Variants in L3MBTL4 observed in about 807,000 individuals in gnomAD.
L3MBTL4 encodes lethal(3)malignant brain tumor-like protein 4.
In L3MBTL4, 70 loss-of-function variants were observed where a neutral mutation model predicts 84.5. That is an observed-to-expected ratio of 0.83 (90% CI 0.68 to 1.01). The LOEUF (loss-of-function observed/expected upper bound fraction) is 1.01, where lower values mean the gene tolerates loss of function less well. Among genes scored for constraint, L3MBTL4 ranks in the 50% least tolerant of loss-of-function variants. The pLI, the probability that L3MBTL4 is intolerant of heterozygous loss-of-function variation, is 0.00. For missense variants in L3MBTL4, 715 were observed against 754.8 expected, an observed-to-expected ratio of 0.95 and a Z score of 0.62; for synonymous variants, 274 against 259.8, an observed-to-expected ratio of 1.05 and a Z score of -0.52.
intron 16 of L3MBTL4, among the ~76,000 whole-genome samples, chr18:6,035,384 A>G (rs1006391933): frequency 1.1e-4 from 16 of 151,998 alleles, no homozygotes; most frequent in African/African-American, 2.9e-4. Context: ...CAGTTTTCCC[A>G]GCACCATTTA....
intron 7 of L3MBTL4, among the ~76,000 whole-genome samples, chr18:6,242,302 G>T (rs1638955436): frequency 6.6e-6 from 1 of 152,166 alleles, no homozygotes; most frequent in African/African-American, 2.4e-5. Context: ...TGCTTCCTCT[G>T]TCATTTCACC....
At chr18:6,168,526 T>C (rs1347107577) in intron 13 of L3MBTL4, among the ~76,000 whole-genome samples, 1 of 152,136 alleles carries the variant, frequency 6.6e-6, no homozygotes, top group South Asian at 2.1e-4. Context: ...TAATGCTGCA[T>C]ATCTACAACT....
intron 5 of L3MBTL4, among the ~76,000 whole-genome samples, chr18:6,248,342 G>C (rs1018886916): frequency 2.0e-5 from 3 of 152,158 alleles, no homozygotes; most frequent in African/African-American, 4.8e-5. Flanking sequence ...GTTAAAAACT[G>C]TGCTCGTGAA....
chr18:6,128,596 T>G (rs2059777107), intron 14 of L3MBTL4, among the ~76,000 whole-genome samples: 1 of 152,138 alleles, frequency 6.6e-6, no homozygotes, highest in Admixed American at 6.6e-5. Context: ...CATGGAATGA[T>G]GCCTTCAATA....
intron 14 of L3MBTL4, among the ~76,000 whole-genome samples, chr18:6,094,452 C>T (rs2058565056): frequency 6.6e-6 from 1 of 152,126 alleles, no homozygotes; most frequent in Non-Finnish European, 1.5e-5. Context: ...AATTCACAAA[C>T]ACATGCCACA....
intron 1 of L3MBTL4, among the ~76,000 whole-genome samples, chr18:6,410,486 T>C (rs2055920716): frequency 6.6e-6 from 1 of 151,482 alleles, no homozygotes; most frequent in Admixed American, 6.6e-5. Context: ...GCCTCACCCC[T>C]AAGTTCCTTA....
chr18:6,030,599 A>G (rs1481960149), intron 16 of L3MBTL4: 23 of 773,960 alleles, frequency 3.0e-5, no homozygotes, highest in Non-Finnish European at 3.6e-5. Flanking sequence ...CCCAGGTTCA[A>G]GCGATTCTCT....
chr18:6,353,018 T>G (rs1568541402), intron 1 of L3MBTL4, among the ~76,000 whole-genome samples: 2 of 152,210 alleles, frequency 1.3e-5, no homozygotes, highest in Non-Finnish European at 1.5e-5. Context: ...TTCAATAAAT[T>G]AAACTAAACA....
intron 16 of L3MBTL4, among the ~76,000 whole-genome samples, chr18:6,037,143 T>G (rs2056178910): frequency 6.6e-6 from 1 of 151,920 alleles, no homozygotes; most frequent in African/African-American, 2.4e-5. Context: ...CACAGATCCC[T>G]GACCTTTGGA....
chr18:6,100,137 T>G (rs1367648880), intron 14 of L3MBTL4, among the ~76,000 whole-genome samples: 2 of 152,184 alleles, frequency 1.3e-5, no homozygotes, highest in Non-Finnish European at 2.9e-5. Flanking sequence ...CCTCTGTTTT[T>G]CATTTCCTCA....
At chr18:6,196,157 C>CTTTTTT (rs71370547) in intron 12 of L3MBTL4, among the ~76,000 whole-genome samples, 3,380 of 129,998 alleles carry the variant, frequency 0.026, 192 homozygotes, top group African/African-American at 0.073. Context: ...TAGAGTTCCT[C>CTTTTTT]TTTTTTTTTT....
intron 16 of L3MBTL4, among the ~76,000 whole-genome samples, chr18:6,051,980 C>T (rs1190832830): frequency 6.6e-6 from 1 of 152,180 alleles, no homozygotes; most frequent in Admixed American, 6.5e-5. Flanking sequence ...GAGACTCTGT[C>T]TCATTCAACA....
chr18:6,234,988 TA>T (rs1449563017), intron 10 of L3MBTL4, among the ~76,000 whole-genome samples: 4 of 152,056 alleles, frequency 2.6e-5, no homozygotes, highest in African/African-American at 4.8e-5. Context: ...TATGCAGCCA[TA>T]AAAAAAGATG....
intron 12 of L3MBTL4, among the ~76,000 whole-genome samples, chr18:6,198,158 C>G: frequency 6.6e-6 from 1 of 152,290 alleles, no homozygotes; most frequent in African/African-American, 2.4e-5. Flanking sequence ...AACATATCTT[C>G]ACAATGAAAA....
At chr18:6,387,316 T>G (rs922308438) in intron 1 of L3MBTL4, among the ~76,000 whole-genome samples, 3 of 152,212 alleles carry the variant, frequency 2.0e-5, no homozygotes, top group Non-Finnish European at 4.4e-5. Context: ...CAAACTAGGA[T>G]ACCCATATGA....
intron 16 of L3MBTL4, among the ~76,000 whole-genome samples, chr18:5,979,099 A>C (rs2053092889): frequency 6.6e-6 from 1 of 152,122 alleles, no homozygotes; most frequent in Non-Finnish European, 1.5e-5. Context: ...AAGGGGCAAA[A>C]GAGTGGATCC....
intron 1 of L3MBTL4, among the ~76,000 whole-genome samples, chr18:6,410,140 C>A (rs1198179007): frequency 1.3e-5 from 2 of 152,218 alleles, no homozygotes; most frequent in Admixed American, 6.5e-5. Flanking sequence ...CATCTCCCAC[C>A]CAGGCCCTGC....
At chr18:6,232,102 T>C (rs940260118) in intron 10 of L3MBTL4, among the ~76,000 whole-genome samples, 1 of 152,146 alleles carries the variant, frequency 6.6e-6, no homozygotes, top group Non-Finnish European at 1.5e-5. Context: ...TGAAAGGGTG[T>C]TGAATCTTGT....
chr18:6,165,920 T>C (rs140120558), intron 13 of L3MBTL4, among the ~76,000 whole-genome samples: 7,928 of 152,232 alleles, frequency 0.052, 307 homozygotes, highest in South Asian at 0.072. Context: ...ATCAGTGTGC[T>C]GTATTCAGGA....
Sources: gnomAD v4.1 joint callset for allele counts (sites outside exome capture counted in the v4.1 genomes callset) on GRCh38, gnomAD v4.1.1 for gene constraint, MANE v1.5 for transcripts, NCBI Gene and HGNC (gene_info 2026-07-23, HGNC 2026-07-21) for gene names.